Variants in RABGAP1L observed in about 807,000 individuals in gnomAD.
The protein encoded by RABGAP1L is RAB GTPase activating protein 1 like.
A neutral mutation model predicts 137.7 loss-of-function variants in RABGAP1L; 63 were observed. The observed-to-expected ratio is 0.46, with a 90% CI of 0.37 to 0.56. The LOEUF (loss-of-function observed/expected upper bound fraction) is 0.56, where lower values mean the gene tolerates loss of function less well. Ranked by LOEUF, RABGAP1L falls within the 20% of genes least tolerant of loss-of-function variation. The pLI is 0.00. For synonymous variants in RABGAP1L, 431 were observed against 433.7 expected (o/e 0.99, Z 0.08); for missense variants, 1,095 against 1,244.0 (o/e 0.88, Z 1.80).
At position 174,990,244 on chromosome 1, in the gene RABGAP1L, CA is replaced by C; in HGVS notation, c.*244del. The C allele has an allele frequency of 2.7e-6, 1 of 370,324 alleles. No individual in the cohort carries two copies. The highest frequency in any genetic ancestry group is 4.3e-5 in the East Asian group (1 of 23,452). 22.9% of individuals were successfully genotyped at this position (370,324 alleles called of 1,614,324 possible). ...CATGTTCAGATCCATCATAGTATTACACATTATTTTGTTTGCCTGATGTTTA... is the reference window on the plus strand; with the variant it reads ...CATGTTCAGATCCATCATAGTATTACCATTATTTTGTTTGCCTGATGTTTA... On this transcript the variant is annotated 3_prime_UTR_variant, in exon 26 of 26. Transcript: ENST00000681986.
chr1:174,215,148 GTCTAA>G (rs144551413), intron 1 of RABGAP1L, among the ~76,000 whole-genome samples: 2,064 of 152,224 alleles, frequency 0.014, 58 homozygotes, highest in African/African-American at 0.048. Flanking sequence ...ATAGGAAAAA[GTCTAA>G]TCTAATTAAA....
chr1:174,346,860 C>T (rs1168880568), intron 11 of RABGAP1L, among the ~76,000 whole-genome samples: 2 of 151,840 alleles, frequency 1.3e-5, no homozygotes, highest in Non-Finnish European at 2.9e-5. Flanking sequence ...GTGCTTATAG[C>T]TATAAACTTT....
At chr1:174,774,163 A>G (rs562948502) in intron 18 of RABGAP1L, among the ~76,000 whole-genome samples, 2 of 152,358 alleles carry the variant, frequency 1.3e-5, no homozygotes, top group South Asian at 4.1e-4. Context: ...TAGAAATGTA[A>G]TAACTAAAAC....
At chr1:174,417,329 A>G (rs1041002537) in intron 13 of RABGAP1L, among the ~76,000 whole-genome samples, 2 of 152,212 alleles carry the variant, frequency 1.3e-5, no homozygotes, top group African/African-American at 4.8e-5. Context: ...TTATAGTTCA[A>G]GGTGCTAAAT....
At chr1:174,962,197 C>CCG (rs1553295741) in intron 20 of RABGAP1L, among the ~76,000 whole-genome samples, 1 of 45,284 alleles carries the variant, frequency 2.2e-5, no homozygotes, top group Non-Finnish European at 4.3e-5. Context: ...TAAAAATACA[C>CCG]CCCCCCCCCA....
chr1:174,809,385 G>C (rs528070964), intron 18 of RABGAP1L, among the ~76,000 whole-genome samples: 7 of 152,180 alleles, frequency 4.6e-5, no homozygotes, highest in Non-Finnish European at 1.0e-4. Context: ...CCTCTCTTAA[G>C]CAGCATCTCT....
chr1:174,877,136 A>G (rs1653254807), intron 19 of RABGAP1L, among the ~76,000 whole-genome samples: 5 of 151,480 alleles, frequency 3.3e-5, no homozygotes, highest in Admixed American at 3.3e-4. Flanking sequence ...TGTTGTTGTT[A>G]TTGCTATAGG....
chr1:174,714,935 A>C (rs543526782), intron 17 of RABGAP1L, among the ~76,000 whole-genome samples: 1 of 152,176 alleles, frequency 6.6e-6, no homozygotes, highest in African/African-American at 2.4e-5. Flanking sequence ...ATATTAAGTA[A>C]AATTCTGATG....
At chr1:174,611,395 G>A (rs997987178) in intron 13 of RABGAP1L, among the ~76,000 whole-genome samples, 2 of 152,028 alleles carry the variant, frequency 1.3e-5, no homozygotes, top group African/African-American at 4.8e-5. Context: ...TGAGGGCTCT[G>A]TTCTGTTCCA....
chr1:174,719,667 C>G (rs1681327891), intron 17 of RABGAP1L, among the ~76,000 whole-genome samples: 1 of 152,094 alleles, frequency 6.6e-6, no homozygotes, highest in Non-Finnish European at 1.5e-5. Context: ...GTATTGAGGA[C>G]TGGGATGAAC....
At chr1:174,927,318 T>G (rs1054318877) in intron 19 of RABGAP1L, among the ~76,000 whole-genome samples, 1 of 152,198 alleles carries the variant, frequency 6.6e-6, no homozygotes, top group Admixed American at 6.5e-5. Context: ...GTATTTAATT[T>G]TATTAAGTGT....
At chr1:174,554,297 A>AT (rs1666738139) in intron 13 of RABGAP1L, among the ~76,000 whole-genome samples, 1 of 152,028 alleles carries the variant, frequency 6.6e-6, no homozygotes, top group African/African-American at 2.4e-5. Flanking sequence ...TTGATTTTCT[A>AT]TTTTTTAGAG....
At chr1:174,272,547 T>G in intron 8 of RABGAP1L, 67 bp downstream of exon 8, 1 of 1,408,228 alleles carries the variant, frequency 7.1e-7, no homozygotes, top group South Asian at 1.9e-5. Flanking sequence ...ACAAGTATTT[T>G]CTATTTACAA....
At chr1:174,438,776 A>ATATATG (rs1653777864) in intron 13 of RABGAP1L, among the ~76,000 whole-genome samples, 1 of 140,882 alleles carries the variant, frequency 7.1e-6, no homozygotes. Flanking sequence ...ATATATATAT[A>ATATATG]TGACTTTTTA....
intron 13 of RABGAP1L, among the ~76,000 whole-genome samples, chr1:174,506,465 A>AAT (rs1661825031): frequency 6.6e-6 from 1 of 152,338 alleles, no homozygotes; most frequent in African/African-American, 2.4e-5. Context: ...GTCATTTAGA[A>AAT]ATATATATGT....
chr1:174,580,654 T>C (rs1668674999), intron 13 of RABGAP1L, among the ~76,000 whole-genome samples: 1 of 151,986 alleles, frequency 6.6e-6, no homozygotes, highest in Admixed American at 6.6e-5. Flanking sequence ...GGGGGAGGGA[T>C]AGCATTAGGA....
chr1:174,401,559 G>A (rs1335071641), intron 13 of RABGAP1L, among the ~76,000 whole-genome samples: 1 of 152,156 alleles, frequency 6.6e-6, no homozygotes, highest in Non-Finnish European at 1.5e-5. Context: ...CAGGTTTCAA[G>A]ACATTCATCT....
Position 174,991,726 on chromosome 1 carries a change from T to C in RABGAP1L, c.*1725T>C, listed in dbSNP as rs985505087. 6.6e-6 allele frequency: 1 copy of C among 152,012 alleles called. No homozygotes were observed. The highest frequency in any genetic ancestry group is 1.5e-5 in the Non-Finnish European group (1 of 67,998). 9.4% of individuals were successfully genotyped at this position (152,012 alleles called of 1,614,324 possible). A position where few individuals can be genotyped will look rare whatever the true frequency, so the allele number is the denominator to read the frequency against. The stretch of plus-strand genomic sequence containing the variant: ...AAGGAACATAACCCAGCATTCCAAG[T>C]GTCTGTGTTGGCTTTAACATTCTCT... On this transcript the variant is annotated 3_prime_UTR_variant, in exon 26 of 26. Transcript: ENST00000681986.
intron 13 of RABGAP1L, among the ~76,000 whole-genome samples, chr1:174,458,645 T>G (rs1483322592): frequency 6.6e-6 from 1 of 152,184 alleles, no homozygotes; most frequent in Non-Finnish European, 1.5e-5. Context: ...ACATTACTTA[T>G]ATTTAGATTT....
Sources: gnomAD v4.1 joint callset for allele counts (sites outside exome capture counted in the v4.1 genomes callset) on GRCh38, gnomAD v4.1.1 for gene constraint, MANE v1.5 for transcripts, NCBI Gene and HGNC (gene_info 2026-07-23, HGNC 2026-07-21) for gene names.